The following AKT3 variants were observed in gnomAD, a reference collection of about 807,000 sequenced individuals.
The protein encoded by AKT3 is AKT serine/threonine kinase 3.
AKT3 carries 15 observed loss-of-function variants against 65.3 expected under a neutral mutation model. The ratio of observed to expected loss-of-function variants is 0.23; its 90% CI spans 0.15 to 0.35. The LOEUF is 0.35. Ranked by LOEUF, AKT3 falls within the 10% of genes least tolerant of loss-of-function variation. The pLI, the probability that AKT3 is intolerant of heterozygous loss-of-function variation, is 1.00. For synonymous variants in AKT3, 206 were observed against 183.8 expected, an observed-to-expected ratio of 1.12 and a Z score of -0.98; for missense variants, 243 against 576.5, an observed-to-expected ratio of 0.42 and a Z score of 5.92.
chr1:243,646,001 G>A lies in AKT3; in HGVS notation c.321C>T (p.Asp107=), dbSNP rs2147846425. The change falls in exon 5 of 14, where the codon GAC becomes GAT. Residue 107 remains aspartate, a synonymous_variant. Transcript: ENST00000673466. ...TCTCCTCTTCTTGCCTCTGCAGTCT[G>A]TCTGCTACAGCCTGGATAGCTTCTG... is the stretch of plus-strand genomic sequence containing the variant. ...EWTEAIQAVA[D]RLQRQEEERM... The A allele has an allele frequency of 6.2e-7, 1 of 1,612,684 alleles. No individual in the cohort carries two copies. The highest frequency in any genetic ancestry group is 8.5e-7 in the Non-Finnish European group (1 of 1,179,254).
At chr1:243,777,150 G>C (rs1434467453) in intron 2 of AKT3, among the ~76,000 whole-genome samples, 1 of 152,174 alleles carries the variant, frequency 6.6e-6, no homozygotes, top group African/African-American at 2.4e-5. Context: ...GGGATTGGGG[G>C]GAGACGGGGG....
At chr1:243,541,496 C>T (rs914585085) in intron 12 of AKT3, among the ~76,000 whole-genome samples, 2 of 151,884 alleles carry the variant, frequency 1.3e-5, no homozygotes, top group African/African-American at 4.8e-5. Flanking sequence ...TTTTTTTCTC[C>T]CCCTATACTA....
chr1:243,542,200 T>C (rs1672369123), intron 12 of AKT3, among the ~76,000 whole-genome samples: 1 of 152,206 alleles, frequency 6.6e-6, no homozygotes, highest in Admixed American at 6.5e-5. Flanking sequence ...TAGACATTAA[T>C]CTAGATAAAT....
At chr1:243,579,785 G>C (rs549096763) in intron 8 of AKT3, among the ~76,000 whole-genome samples, 2 of 152,074 alleles carry the variant, frequency 1.3e-5, no homozygotes, top group Non-Finnish European at 2.9e-5. Flanking sequence ...GGTTATTTTA[G>C]GTTATAAAAA....
intron 13 of AKT3, among the ~76,000 whole-genome samples, chr1:243,510,340 T>C (rs1209036691): frequency 2.0e-5 from 3 of 152,130 alleles, no homozygotes; most frequent in Non-Finnish European, 4.4e-5. Flanking sequence ...TAATAACGAA[T>C]GAGACAAACT....
intron 12 of AKT3, among the ~76,000 whole-genome samples, chr1:243,543,055 T>G (rs952806276): frequency 6.6e-6 from 1 of 152,108 alleles, no homozygotes; most frequent in African/African-American, 2.4e-5. Context: ...TAAAAAAAAA[T>G]AATTATAACA....
chr1:243,796,557 C>T lies in AKT3; in HGVS notation c.46+46568G>A, dbSNP rs77766733. Among the ~76,000 whole-genome samples the T allele has an allele frequency of 2.4e-4, 36 of 152,286 alleles. No homozygotes were observed. In the East Asian group the frequency reaches 6.4e-3, roughly 27 times the overall value. On this transcript the variant is annotated intron_variant, in intron 2 of 13. Transcript: ENST00000673466. ...AATAATACGGCCAATGTATGTCTAT[C>T]TCTGATCCCATTTAATACCATTCTT...
intron 6 of AKT3, among the ~76,000 whole-genome samples, chr1:243,617,549 C>T (rs1257853083): frequency 2.0e-5 from 3 of 151,988 alleles, no homozygotes; most frequent in African/African-American, 7.2e-5. Context: ...AGTAAATTAT[C>T]CAACTTAAAT....
At chr1:243,676,581 CA>C (rs1683531551) in intron 3 of AKT3, among the ~76,000 whole-genome samples, 1 of 152,126 alleles carries the variant, frequency 6.6e-6, no homozygotes, top group South Asian at 2.1e-4. Context: ...TCAAGATATC[CA>C]AAAGGGTTTT....
At chr1:243,619,940 T>C (rs6701934) in intron 6 of AKT3, among the ~76,000 whole-genome samples, 35,719 of 97,646 alleles carry the variant, frequency 0.37, 13,592 homozygotes, top group South Asian at 0.55. Flanking sequence ...ACCAACAGCA[T>C]AGGAGAGTTC....
chr1:243,739,252 T>G (rs1338557294), intron 2 of AKT3, among the ~76,000 whole-genome samples: 1 of 152,178 alleles, frequency 6.6e-6, no homozygotes, highest in African/African-American at 2.4e-5. Flanking sequence ...TAACCAAGTA[T>G]ATCCAAAATA....
intron 3 of AKT3, among the ~76,000 whole-genome samples, chr1:243,666,885 A>G (rs1682820266): frequency 6.6e-6 from 1 of 152,170 alleles, no homozygotes; most frequent in South Asian, 2.1e-4. Context: ...TGTCGACATG[A>G]TGAGATGAGA....
intron 2 of AKT3, among the ~76,000 whole-genome samples, chr1:243,752,292 T>C (rs1246093210): frequency 1.3e-5 from 2 of 152,220 alleles, no homozygotes; most frequent in East Asian, 3.8e-4. Context: ...TAAATAGTCC[T>C]GAAATGTTGA....
chr1:243,615,047 C>T, intron 7 of AKT3, 49 bp downstream of exon 7: 1 of 1,323,028 alleles, frequency 7.6e-7, no homozygotes, highest in Non-Finnish European at 1.1e-6. Flanking sequence ...CATAAAATTC[C>T]TTAAATTTCA....
At chr1:243,784,164 C>T (rs1691096562) in intron 2 of AKT3, among the ~76,000 whole-genome samples, 4 of 152,102 alleles carry the variant, frequency 2.6e-5, no homozygotes, top group Non-Finnish European at 4.4e-5. Context: ...TTCTAAGACT[C>T]TCTGAGAAGA....
chr1:243,665,992 G>T (rs920406577), intron 3 of AKT3, among the ~76,000 whole-genome samples: 3 of 152,002 alleles, frequency 2.0e-5, no homozygotes, highest in African/African-American at 7.3e-5. Flanking sequence ...TCTTTACTCA[G>T]ATTAGCTGTG....
At chr1:243,696,192 A>G (rs943977229) in intron 2 of AKT3, among the ~76,000 whole-genome samples, 22 of 152,022 alleles carry the variant, frequency 1.4e-4, no homozygotes, top group African/African-American at 5.1e-4. Flanking sequence ...TCATTAATAA[A>G]TCTTGACTGT....
chr1:243,715,662 A>C (rs542138663), intron 2 of AKT3, among the ~76,000 whole-genome samples: 64 of 152,084 alleles, frequency 4.2e-4, no homozygotes, highest in South Asian at 1.5e-3. Flanking sequence ...TTACATAATA[A>C]CTCTTCTTGT....
chr1:243,667,912 C>G (rs1682909729), intron 3 of AKT3, among the ~76,000 whole-genome samples: 1 of 152,114 alleles, frequency 6.6e-6, no homozygotes, highest in South Asian at 2.1e-4. Flanking sequence ...TGCCCTCTGC[C>G]TAACATTCTT....
Sources: gnomAD v4.1 joint callset for allele counts (sites outside exome capture counted in the v4.1 genomes callset) on GRCh38, gnomAD v4.1.1 for gene constraint, MANE v1.5 for transcripts, NCBI Gene and HGNC (gene_info 2026-07-23, HGNC 2026-07-21) for gene names.